SPTLC2: variants seen among roughly 807,000 people sequenced by gnomAD.
The protein encoded by SPTLC2 is serine palmitoyltransferase long chain base subunit 2.
In SPTLC2, 21 loss-of-function variants were observed where a neutral mutation model predicts 62.0. That is an observed-to-expected ratio of 0.34 (90% CI 0.24 to 0.49). The LOEUF is 0.49. SPTLC2 is among the 20% of genes least tolerant of loss of function. The pLI is 0.99. For missense variants in SPTLC2, 511 were observed against 713.0 expected (o/e 0.72, Z 3.23); for synonymous variants, 261 against 261.8 (o/e 1.00, Z 0.03).
At position 77,523,585 on chromosome 14, in the gene SPTLC2, G is replaced by A. The variant is rs182152059; in HGVS notation, c.1304-2004C>T. 4.1e-4 allele frequency among the ~76,000 whole-genome samples: 63 copies of A among 152,304 alleles called. No individual in the cohort carries two copies. The East Asian group carries it at 9.8e-3, about 24-fold the overall frequency. On this transcript the variant is annotated intron_variant, in intron 9 of 11. Coordinates refer to ENST00000216484, the MANE Select transcript of SPTLC2 (RefSeq NM_004863.4). ...TGAAAAGAAACTAGCAGAGGCTGGG[G>A]AAAAGATCCATCAGAAAGCAATAGG...
chr14:77,593,992 T>G (rs1036064174), intron 2 of SPTLC2, among the ~76,000 whole-genome samples: 1 of 152,186 alleles, frequency 6.6e-6, no homozygotes, highest in Admixed American at 6.5e-5. Context: ...AATGCTAATG[T>G]TATCTACTGG....
At chr14:77,589,468 A>T (rs1043560530) in intron 2 of SPTLC2, among the ~76,000 whole-genome samples, 2 of 141,850 alleles carry the variant, frequency 1.4e-5, no homozygotes, top group African/African-American at 5.2e-5. Context: ...TCACAATACC[A>T]TTCATATCTT....
At chr14:77,538,634 G>A (rs1594977639) in intron 9 of SPTLC2, among the ~76,000 whole-genome samples, 1 of 152,070 alleles carries the variant, frequency 6.6e-6, no homozygotes, top group Non-Finnish European at 1.5e-5. Flanking sequence ...GCAGTGGCTT[G>A]ATCTTGGCTC....
At chr14:77,522,639 A>G (rs995779216) in intron 9 of SPTLC2, among the ~76,000 whole-genome samples, 24 of 152,230 alleles carry the variant, frequency 1.6e-4, no homozygotes, top group Admixed American at 6.5e-4. Flanking sequence ...TGGTAAGTCA[A>G]TCTTTGAAAA....
chr14:77,612,668 G>C lies in SPTLC2; in HGVS notation c.132+3780C>G, dbSNP rs533159940. On this transcript the variant is annotated intron_variant, in intron 1 of 11. Coordinates refer to ENST00000216484, the MANE Select transcript of SPTLC2 (RefSeq NM_004863.4). The stretch of plus-strand genomic sequence containing the variant: ...CTTAACTATCACATATAAACCCCCA[G>C]TTACTGTTTCTCCCTCAGTGGAAAC... Among the ~76,000 whole-genome samples the C allele has an allele frequency of 2.0e-5, 3 of 152,192 alleles. No homozygotes were observed. In the East Asian group the frequency reaches 5.8e-4, roughly 29 times the overall value.
intron 9 of SPTLC2, among the ~76,000 whole-genome samples, chr14:77,539,817 T>C (rs899697342): frequency 4.0e-5 from 6 of 151,750 alleles, no homozygotes; most frequent in Non-Finnish European, 7.4e-5. Context: ...AGCTATATGT[T>C]ATTTTTTTGT....
rs768637195 is a variant in SPTLC2 at position 77,616,592 on chromosome 14, A to C, written c.-13T>G. 7 of 1,537,770 alleles carry C rather than the reference A, an allele frequency of 4.6e-6. No homozygotes were observed. The South Asian group carries it at 8.3e-5, about 18-fold the overall frequency. On this transcript the variant is annotated 5_prime_UTR_variant, in exon 1 of 12. Coordinates refer to ENST00000216484, the MANE Select transcript of SPTLC2 (RefSeq NM_004863.4). Reference sequence around the variant, plus strand: ...GCTCCGGCCGCATCTTCCTGGCAGCACCAGGCGCAAGGCAGGCTCTGTAGG... The same window carrying C: ...GCTCCGGCCGCATCTTCCTGGCAGCCCCAGGCGCAAGGCAGGCTCTGTAGG...
chr14:77,593,225 G>T (rs947049618), intron 2 of SPTLC2, among the ~76,000 whole-genome samples: 1 of 152,166 alleles, frequency 6.6e-6, no homozygotes, highest in Non-Finnish European at 1.5e-5. Flanking sequence ...AATTTTGTCA[G>T]TGTGTGGTAA....
chr14:77,542,783 C>A (rs796379232), intron 9 of SPTLC2, among the ~76,000 whole-genome samples: 22 of 152,272 alleles, frequency 1.4e-4, no homozygotes, highest in African/African-American at 5.1e-4. Flanking sequence ...CAGTTTATCA[C>A]CCCCACCCTC....
At chr14:77,559,163 T>C (rs988840937) in intron 6 of SPTLC2, among the ~76,000 whole-genome samples, 1 of 151,800 alleles carries the variant, frequency 6.6e-6, no homozygotes, top group African/African-American at 2.4e-5. Flanking sequence ...CTACTAAAAA[T>C]ACAAAAAAAA....
At chr14:77,544,240 C>A (rs539424277) in intron 9 of SPTLC2, among the ~76,000 whole-genome samples, 1 of 152,230 alleles carries the variant, frequency 6.6e-6, no homozygotes, top group Non-Finnish European at 1.5e-5. Context: ...AAACTCCTGA[C>A]CTCAAGTGAT....
chr14:77,554,901 T>C, intron 8 of SPTLC2: 1 of 273,524 alleles, frequency 3.7e-6, no homozygotes. Flanking sequence ...CCATGTTCAC[T>C]CATGATATAT....
At position 77,573,446 on chromosome 14, in the gene SPTLC2, C is replaced by T. The variant is rs2079695235; in HGVS notation, c.632-2938G>A. ...CATGTAACAACACATCACATGTACC[C>T]CACACAAATGTACAAATGTTATGTA... On this transcript the variant is annotated intron_variant, in intron 4 of 11. Transcript: ENST00000216484. Among the ~76,000 whole-genome samples the T allele has an allele frequency of 5.9e-5, 9 of 151,638 alleles. No homozygotes were observed. The South Asian group carries it at 1.9e-3, about 32-fold the overall frequency.
chr14:77,512,253 G>C lies in SPTLC2; in HGVS notation c.*31C>G, dbSNP rs1410119508. ...AGGCCACAGGCTGTCCTGGGTGAGGGAGAGTTCCTCTGAGGGAGCACCAAA... is the reference window on the plus strand; with the variant it reads ...AGGCCACAGGCTGTCCTGGGTGAGGCAGAGTTCCTCTGAGGGAGCACCAAA... On this transcript the variant is annotated 3_prime_UTR_variant, in exon 12 of 12. Transcript: ENST00000216484. 6.2e-7 allele frequency: 1 copy of C among 1,612,888 alleles called. No individual in the cohort carries two copies. The highest frequency in any genetic ancestry group is 1.3e-5 in the African/African-American group (1 of 74,902).
rs540486596 is a variant in SPTLC2 at position 77,516,009 on chromosome 14, C to T, written c.1569+2029G>A. On this transcript the variant is annotated intron_variant, in intron 11 of 11. Transcript: ENST00000216484. ...CTAGCTGTGTGTGTGTGTGTGTGCG[C>T]GCGCGCGCATGTGTGTGTGTGTATT... 1.0e-3 allele frequency among the ~76,000 whole-genome samples: 21 copies of T among 20,598 alleles called. No individual in the cohort carries two copies. The Admixed American group carries it at 0.011, about 11-fold the overall frequency. The allele number at this position is 20,598 out of a possible 152,430, so 13.5% of individuals were successfully genotyped here.
At chr14:77,524,538 T>C (rs2079399807) in intron 9 of SPTLC2, among the ~76,000 whole-genome samples, 1 of 152,150 alleles carries the variant, frequency 6.6e-6, no homozygotes, top group Non-Finnish European at 1.5e-5. Flanking sequence ...GAAATCAGTG[T>C]ATCAAAGGGA....
chr14:77,606,058 G>A (rs964066828), intron 1 of SPTLC2, among the ~76,000 whole-genome samples: 4 of 152,330 alleles, frequency 2.6e-5, no homozygotes, highest in African/African-American at 9.6e-5. Context: ...GCTGCCTGGC[G>A]CAGTGGCTCA....
chr14:77,564,503 G>A (rs1016393194), intron 5 of SPTLC2, among the ~76,000 whole-genome samples: 1 of 151,042 alleles, frequency 6.6e-6, no homozygotes, highest in Non-Finnish European at 1.5e-5. Flanking sequence ...TCTAGCTCTA[G>A]TCACTGAGAG....
At chr14:77,560,564 G>A (rs1019816538) in intron 6 of SPTLC2, among the ~76,000 whole-genome samples, 13 of 151,902 alleles carry the variant, frequency 8.6e-5, no homozygotes, top group Non-Finnish European at 1.5e-4. Flanking sequence ...GCAGTGAGCT[G>A]AGTTCATGCC....
Sources: gnomAD v4.1 joint callset for allele counts (sites outside exome capture counted in the v4.1 genomes callset) on GRCh38, gnomAD v4.1.1 for gene constraint, MANE v1.5 for transcripts, NCBI Gene and HGNC (gene_info 2026-07-23, HGNC 2026-07-21) for gene names.